PRKCI: variants seen among roughly 807,000 people sequenced by gnomAD.
PRKCI encodes protein kinase C iota.
A neutral mutation model predicts 84.0 loss-of-function variants in PRKCI; 43 were observed. The ratio of observed to expected loss-of-function variants is 0.51; its 90% confidence interval spans 0.40 to 0.66. PRKCI has a LOEUF of 0.66. PRKCI is among the 30% of genes least tolerant of loss of function. The pLI, the probability that PRKCI is intolerant of heterozygous loss-of-function variation, is 0.00. For synonymous variants in PRKCI, 216 were observed against 234.4 expected, an observed-to-expected ratio of 0.92 and a Z score of 0.72; for missense variants, 459 against 745.6, an observed-to-expected ratio of 0.62 and a Z score of 4.48.
chr3:170,237,872 G>A (rs898138181), intron 2 of PRKCI, among the ~76,000 whole-genome samples: 7 of 152,134 alleles, frequency 4.6e-5, no homozygotes, highest in African/African-American at 1.7e-4. Context: ...AATTCCAATT[G>A]TAAGAGAATA....
At chr3:170,269,883 G>A (rs1389531538) in intron 5 of PRKCI, among the ~76,000 whole-genome samples, 7 of 151,940 alleles carry the variant, frequency 4.6e-5, no homozygotes, top group Non-Finnish European at 8.8e-5. Context: ...ACTTGAACCC[G>A]GGAGGCGGAG....
rs1734872183 is a variant in PRKCI at position 170,303,420 on chromosome 3, A to G, written c.*293A>G. ...ATCTTTTTTGTTTAAAAAAAAAAAAAACACTGCATTAAAAAAGTATCTGTT... is the reference window on the plus strand; with the variant it reads ...ATCTTTTTTGTTTAAAAAAAAAAAAGACACTGCATTAAAAAAGTATCTGTT... On this transcript the variant is annotated 3_prime_UTR_variant, in exon 18 of 18. Coordinates refer to ENST00000295797, the MANE Select transcript of PRKCI (RefSeq NM_002740.6). 2 of 264,962 alleles carry G rather than the reference A, an allele frequency of 7.5e-6. No homozygotes were observed. Among genetic ancestry groups the G allele is most frequent in the Admixed American group, 1.1e-4 (2 of 18,766 alleles). The allele number at this position is 264,962 out of a possible 1,614,324, so 16.4% of individuals were successfully genotyped here.
At chr3:170,289,310 C>A (rs1387731844) in intron 12 of PRKCI, among the ~76,000 whole-genome samples, 1 of 152,134 alleles carries the variant, frequency 6.6e-6, no homozygotes, top group Non-Finnish European at 1.5e-5. Flanking sequence ...TTTTAAAATT[C>A]TTGGAGTCAC....
Position 170,304,173 on chromosome 3 carries a change from T to C in PRKCI, c.*1046T>C, listed in dbSNP as rs1734897040. The C allele has an allele frequency of 6.6e-6, 1 of 152,116 alleles. No individual in the cohort carries two copies. Among genetic ancestry groups the C allele is most frequent in the African/African-American group, 2.4e-5 (1 of 41,424 alleles). The allele number at this position is 152,116 out of a possible 1,614,324, so 9.4% of individuals were successfully genotyped here. A position where few individuals can be genotyped will look rare whatever the true frequency, so the allele number is the denominator to read the frequency against. ...TTAACTGCAGTGTTAATATATACAC[T>C]GCAAAAGACCAAGGATGCAGTTGAA... On this transcript the variant is annotated 3_prime_UTR_variant, in exon 18 of 18. Coordinates refer to ENST00000295797, the MANE Select transcript of PRKCI (RefSeq NM_002740.6).
intron 13 of PRKCI, among the ~76,000 whole-genome samples, chr3:170,292,295 A>C (rs1431285787): frequency 6.6e-6 from 1 of 152,196 alleles, no homozygotes; most frequent in Non-Finnish European, 1.5e-5. Flanking sequence ...ACATACGGAA[A>C]GTTTAAATAA....
At position 170,235,669 on chromosome 3, in the gene PRKCI, G is replaced by A. The variant is rs1191634963; in HGVS notation, c.223+318G>A. On this transcript the variant is annotated intron_variant, in intron 2 of 17. Transcript: ENST00000295797. ...AAACCTCCACCTCCCGGGTTCAAGC[G>A]ATTCTCCTGCCTCAGCCTCCCAAGT... Among the ~76,000 whole-genome samples, 3 of 150,790 alleles carry A rather than the reference G, an allele frequency of 2.0e-5. No individual in the cohort carries two copies. In the South Asian group the frequency reaches 6.3e-4, roughly 31 times the overall value.
chr3:170,302,682 G>A (rs1316904767), intron 17 of PRKCI, among the ~76,000 whole-genome samples: 1 of 152,076 alleles, frequency 6.6e-6, no homozygotes, highest in East Asian at 1.9e-4. Flanking sequence ...TGGCTGTTGA[G>A]GTGACTACTA....
chr3:170,277,843 A>G (rs1346008989), intron 8 of PRKCI, among the ~76,000 whole-genome samples: 1 of 151,794 alleles, frequency 6.6e-6, no homozygotes, highest in Non-Finnish European at 1.5e-5. Context: ...GTGTGTGTAT[A>G]TTTGTTTTTT....
chr3:170,263,261 G>GT (rs1270257245), intron 3 of PRKCI, 118 bp from the exon 4 acceptor site: 4 of 745,944 alleles, frequency 5.4e-6, no homozygotes, highest in Non-Finnish European at 9.1e-6. Context: ...CTTGTCTCAA[G>GT]TGAAGAGAGG....
chr3:170,261,798 C>T (rs1455689151), intron 3 of PRKCI, among the ~76,000 whole-genome samples: 1 of 152,040 alleles, frequency 6.6e-6, no homozygotes, highest in Non-Finnish European at 1.5e-5. Flanking sequence ...TTTTTTCTAC[C>T]TCCAGAATTT....
At chr3:170,287,968 C>T (rs113787816) in intron 12 of PRKCI, among the ~76,000 whole-genome samples, 5,314 of 150,666 alleles carry the variant, frequency 0.035, 307 homozygotes, top group African/African-American at 0.12. Flanking sequence ...TTCTCTTGGC[C>T]GGGTGCGGTG....
intron 1 of PRKCI, among the ~76,000 whole-genome samples, chr3:170,227,326 C>T (rs1404122183): frequency 6.6e-6 from 1 of 152,096 alleles, no homozygotes; most frequent in African/African-American, 2.4e-5. Context: ...ATGATGCTGT[C>T]GTAGGCACAG....
rs1348531778 is a variant in PRKCI at position 170,305,073 on chromosome 3, T to A, written c.*1946T>A. On this transcript the variant is annotated 3_prime_UTR_variant, in exon 18 of 18. Transcript: ENST00000295797. ...ATATGTTTCTCTTAACACCTGAAAC[T>A]TGTTTTAAAACAAAAAGCAGTATTC... The A allele has an allele frequency of 6.6e-6, 1 of 152,394 alleles. No individual in the cohort carries two copies. The highest frequency in any genetic ancestry group is 2.4e-5 in the African/African-American group (1 of 41,472). The allele number at this position is 152,394 out of a possible 1,614,324, so 9.4% of individuals were successfully genotyped here. A position where few individuals can be genotyped will look rare whatever the true frequency, so the allele number is the denominator to read the frequency against.
At chr3:170,249,013 A>G (rs958749472) in intron 2 of PRKCI, among the ~76,000 whole-genome samples, 1 of 151,774 alleles carries the variant, frequency 6.6e-6, no homozygotes, top group African/African-American at 2.4e-5. Flanking sequence ...ACGCTTGGCT[A>G]ATTTTTTTGT....
At chr3:170,276,454 CT>C (rs144477921) in intron 8 of PRKCI, among the ~76,000 whole-genome samples, 182 of 149,322 alleles carry the variant, frequency 1.2e-3, no homozygotes, top group East Asian at 4.5e-3. Context: ...TTCTTTTTAA[CT>C]TTTTTTTTTC....
intron 17 of PRKCI, among the ~76,000 whole-genome samples, chr3:170,300,610 A>G (rs1734797712): frequency 6.6e-6 from 1 of 151,088 alleles, no homozygotes; most frequent in African/African-American, 2.4e-5. Context: ...ATAGATGTTC[A>G]TGGTCAAAGA....
Position 170,303,421 on chromosome 3 carries a change from A to C in PRKCI, c.*294A>C, listed in dbSNP as rs551843301. ...TCTTTTTTGTTTAAAAAAAAAAAAA[A>C]CACTGCATTAAAAAAGTATCTGTTG... On this transcript the variant is annotated 3_prime_UTR_variant, in exon 18 of 18. Coordinates refer to ENST00000295797, the MANE Select transcript of PRKCI (RefSeq NM_002740.6). The C allele has an allele frequency of 7.6e-6, 2 of 263,158 alleles. No homozygotes were observed. The highest frequency in any genetic ancestry group is 1.4e-5 in the Non-Finnish European group (2 of 139,902). The allele number at this position is 263,158 out of a possible 1,614,324, so 16.3% of individuals were successfully genotyped here. A position where few individuals can be genotyped will look rare whatever the true frequency, so the allele number is the denominator to read the frequency against.
intron 2 of PRKCI, among the ~76,000 whole-genome samples, chr3:170,251,782 C>T (rs763374860): frequency 2.0e-5 from 3 of 151,724 alleles, no homozygotes; most frequent in Non-Finnish European, 4.4e-5. Flanking sequence ...TGGTGGTGGG[C>T]GCCTGTAGTC....
At chr3:170,231,919 A>C (rs1364232233) in intron 1 of PRKCI, among the ~76,000 whole-genome samples, 1 of 152,222 alleles carries the variant, frequency 6.6e-6, no homozygotes, top group Non-Finnish European at 1.5e-5. Context: ...AATGTTACTG[A>C]GGCCGAGTGT....
Sources: allele counts gnomAD v4.1 joint callset (sites outside exome capture counted in the v4.1 genomes callset), GRCh38; gene constraint gnomAD v4.1.1; transcripts MANE v1.5; gene names NCBI Gene and HGNC (gene_info 2026-07-23, HGNC 2026-07-21).